Variants in DYNC2H1 observed in about 807,000 individuals in gnomAD.
The protein encoded by DYNC2H1 is cytoplasmic dynein 2 heavy chain 1.
A neutral mutation model predicts 570.0 loss-of-function variants in DYNC2H1; 410 were observed. That is an observed-to-expected ratio of 0.72 (90% CI 0.66 to 0.78). The LOEUF (loss-of-function observed/expected upper bound fraction) is 0.78. Ranked by LOEUF, DYNC2H1 falls within the 30% of genes least tolerant of loss-of-function variation. The pLI, the probability that DYNC2H1 is intolerant of heterozygous loss-of-function variation, is 0.00. For synonymous variants in DYNC2H1, 1,688 were observed against 1,677.6 expected (o/e 1.01, Z -0.15); for missense variants, 4,865 against 5,046.4 (o/e 0.96, Z 1.09).
chr11:103,117,297 A>T (rs1858458413), intron 5 of DYNC2H1, among the ~76,000 whole-genome samples: 1 of 147,954 alleles, frequency 6.8e-6, no homozygotes. Context: ...TTTTTATTAT[A>T]CTTTAAGTTC....
intron 71 of DYNC2H1, 148 bp from the exon 72 acceptor site, chr11:103,282,031 A>G (rs1866159267): frequency 1.7e-6 from 1 of 578,718 alleles, no homozygotes; most frequent in Non-Finnish European, 3.0e-6. Flanking sequence ...ATTCTTGATA[A>G]TGTTAACATA....
Position 103,151,446 on chromosome 11 carries a change from A to G in DYNC2H1, c.2947-690A>G, listed in dbSNP as rs925159334. Among the ~76,000 whole-genome samples, 14 of 152,162 alleles carry G rather than the reference A, an allele frequency of 9.2e-5. No homozygotes were observed. The highest frequency in any genetic ancestry group is 3.4e-4 in the African/African-American group (14 of 41,424). ...TTATTATATATGCATACTGATATTTAAAAATGTTTAAATGGATTTTATTGC... is the reference window on the plus strand; with the variant it reads ...TTATTATATATGCATACTGATATTTGAAAATGTTTAAATGGATTTTATTGC... On this transcript the variant is annotated intron_variant, in intron 20 of 88. Coordinates refer to ENST00000375735, the MANE Select transcript of DYNC2H1 (RefSeq NM_001377.3). This position sits in a 1 kb window ranked among gnomAD's most constrained non-coding sequence, Gnocchi z 4.6.
At chr11:103,383,108 G>T (rs1047592166) in intron 83 of DYNC2H1, among the ~76,000 whole-genome samples, 1 of 152,286 alleles carries the variant, frequency 6.6e-6, no homozygotes, top group Middle Eastern at 3.4e-3. Flanking sequence ...TGTGTTTGAG[G>T]GGGGGATTCT....
intron 76 of DYNC2H1, among the ~76,000 whole-genome samples, chr11:103,304,255 G>T (rs1438288448): frequency 1.3e-5 from 2 of 152,112 alleles, no homozygotes; most frequent in Non-Finnish European, 2.9e-5. Flanking sequence ...AGGTGTGAAG[G>T]TTTTGCACTA....
intron 62 of DYNC2H1, among the ~76,000 whole-genome samples, 173 bp from the exon 63 acceptor site, chr11:103,236,257 T>C (rs1057023778): frequency 6.6e-6 from 1 of 151,998 alleles, no homozygotes; most frequent in African/African-American, 2.4e-5. Context: ...CTTTGCACTT[T>C]TTGTTTTTGT....
Position 103,200,116 on chromosome 11 carries a change from CT to C in DYNC2H1, c.8160del (p.Thr2721HisfsTer5). ...CTTGAGGATTACCAGTTTGTACATC[CT>C]ACATTTTTGGAGATGATCAATAGCC... Reference protein sequence around the residue: ...LLLEDYQFVHPTFLEMINSLL... With the variant: ...LLLEDYQFVHXTFLEMINSLL... On this transcript the variant is annotated frameshift_variant, in exon 50 of 89. Transcript: ENST00000375735. LOFTEE classifies it high-confidence loss of function. The C allele has an allele frequency of 6.3e-7, 1 of 1,584,976 alleles. No individual in the cohort carries two copies. Among genetic ancestry groups the C allele is most frequent in the Non-Finnish European group, 8.6e-7 (1 of 1,164,726 alleles).
At chr11:103,432,120 C>A (rs1425135023) in intron 84 of DYNC2H1, among the ~76,000 whole-genome samples, 1 of 152,040 alleles carries the variant, frequency 6.6e-6, no homozygotes, top group Non-Finnish European at 1.5e-5. Flanking sequence ...CTTCTTGATC[C>A]AGCCACTGAG....
At chr11:103,456,418 T>G in intron 87 of DYNC2H1, 62 bp downstream of exon 87, 1 of 1,369,746 alleles carries the variant, frequency 7.3e-7, no homozygotes, top group Non-Finnish European at 1.0e-6. Context: ...TAAGAGATTC[T>G]GAAATTTTGA....
intron 85 of DYNC2H1, among the ~76,000 whole-genome samples, chr11:103,445,297 T>G (rs576584030): frequency 1.1e-4 from 16 of 152,372 alleles, no homozygotes; most frequent in South Asian, 2.1e-4. Flanking sequence ...GAAACTATCT[T>G]TGTATAGACC....
At chr11:103,255,072 T>A (rs1252609987) in intron 66 of DYNC2H1, among the ~76,000 whole-genome samples, 1 of 152,086 alleles carries the variant, frequency 6.6e-6, no homozygotes, top group Non-Finnish European at 1.5e-5. Context: ...TGCCTGGCCC[T>A]TTTTATTTGT....
At chr11:103,361,251 A>G (rs181276703) in intron 83 of DYNC2H1, among the ~76,000 whole-genome samples, 1 of 152,310 alleles carries the variant, frequency 6.6e-6, no homozygotes, top group East Asian at 1.9e-4. Context: ...CCTCACAAAT[A>G]GGATTAGTGC....
At chr11:103,262,878 C>T (rs1476564524) in intron 70 of DYNC2H1, among the ~76,000 whole-genome samples, 1 of 151,940 alleles carries the variant, frequency 6.6e-6, no homozygotes, top group Non-Finnish European at 1.5e-5. Flanking sequence ...GGAGTAAATG[C>T]TCCAATTAAA....
intron 25 of DYNC2H1, 60 bp from the exon 26 acceptor site, chr11:103,156,328 T>A: frequency 6.9e-7 from 1 of 1,448,048 alleles, no homozygotes; most frequent in Non-Finnish European, 9.3e-7. Context: ...ACTTTTCTAT[T>A]AATTACTTAT....
At chr11:103,424,831 A>T (rs920084784) in intron 84 of DYNC2H1, among the ~76,000 whole-genome samples, 6 of 152,198 alleles carry the variant, frequency 3.9e-5, no homozygotes, top group African/African-American at 1.4e-4. Context: ...GGAGTTAAGA[A>T]GAGATGCCTA....
intron 87 of DYNC2H1, among the ~76,000 whole-genome samples, chr11:103,464,192 C>A (rs1281352957): frequency 6.6e-6 from 1 of 152,062 alleles, no homozygotes; most frequent in Non-Finnish European, 1.5e-5. Flanking sequence ...GAATAACTTG[C>A]AGTACAAAAT....
Position 103,261,747 on chromosome 11 carries a change from C to G in DYNC2H1, c.10695+1770C>G, listed in dbSNP as rs1010677523. ...TAAATCCACGAAGATGAGGAAAAACCAGCGCAAAAAGACTGAAAATTCCAA... is the reference window on the plus strand; with the variant it reads ...TAAATCCACGAAGATGAGGAAAAACGAGCGCAAAAAGACTGAAAATTCCAA... On this transcript the variant is annotated intron_variant, in intron 70 of 88. Transcript: ENST00000375735. This position sits in a 1 kb window ranked among gnomAD's most constrained non-coding sequence, Gnocchi z 4.8. Among the ~76,000 whole-genome samples the G allele has an allele frequency of 2.4e-4, 37 of 152,206 alleles. No homozygotes were observed. Among genetic ancestry groups the G allele is most frequent in the East Asian group, 3.9e-4 (2 of 5,180 alleles).
At chr11:103,342,665 G>A (rs1045690616) in intron 82 of DYNC2H1, among the ~76,000 whole-genome samples, 2 of 151,982 alleles carry the variant, frequency 1.3e-5, no homozygotes, top group Admixed American at 6.6e-5. Flanking sequence ...ACCATGCCCG[G>A]CTAATTTTTT....
intron 17 of DYNC2H1, among the ~76,000 whole-genome samples, chr11:103,141,640 C>CTCAGGGG (rs1032991585): frequency 1.3e-5 from 2 of 152,172 alleles, no homozygotes; most frequent in Non-Finnish European, 2.9e-5. Flanking sequence ...AGTTAGGCTG[C>CTCAGGGG]TCAGGGGTCA....
intron 40 of DYNC2H1, among the ~76,000 whole-genome samples, chr11:103,182,403 T>C (rs1244228709): frequency 6.6e-6 from 1 of 151,650 alleles, no homozygotes; most frequent in Non-Finnish European, 1.5e-5. Flanking sequence ...TTATTTGCAA[T>C]AATGAAAACG....
Sources: gnomAD v4.1 joint callset for allele counts (sites outside exome capture counted in the v4.1 genomes callset) on GRCh38, gnomAD v4.1.1 for gene constraint, Gnocchi (gnomAD v3.1) non-coding constraint, MANE v1.5 for transcripts, NCBI Gene and HGNC (gene_info 2026-07-23, HGNC 2026-07-21) for gene names.